The following SYNPR variants were observed in gnomAD, a reference collection of about 807,000 sequenced individuals.
SYNPR encodes the protein synaptoporin.
A neutral mutation model predicts 32.9 loss-of-function variants in SYNPR; 23 were observed. The ratio of observed to expected loss-of-function variants is 0.70; its 90% CI spans 0.50 to 0.99. The LOEUF is 0.99. Ranked by LOEUF, SYNPR falls within the 50% of genes least tolerant of loss-of-function variation. The probability of loss-of-function intolerance (pLI) is 0.00; values close to 1 mark genes in which losing one functional copy is unlikely to be tolerated. For missense variants in SYNPR, 318 were observed against 349.3 expected (o/e 0.91, Z 0.71); for synonymous variants, 146 against 135.9 (o/e 1.07, Z -0.52).
At chr3:63,444,492 G>A (rs912938520) in intron 2 of SYNPR, among the ~76,000 whole-genome samples, 9 of 152,126 alleles carry the variant, frequency 5.9e-5, no homozygotes, top group African/African-American at 1.9e-4. Context: ...AAACGAGCTG[G>A]AGAATAGATT....
rs1055458325 is a variant in SYNPR, at chr3:63,596,994, A to G, written c.409-12131A>G. ...AAAGACTTAGTATCAAAAAAGTAAA[A>G]TGGCATACTAATAATTTTAGATTGA... On this transcript the variant is annotated intron_variant, in intron 4 of 5. Transcript: ENST00000478300. Among the ~76,000 whole-genome samples, 5 of 152,254 alleles carry G rather than the reference A, an allele frequency of 3.3e-5. No homozygotes were observed. The East Asian group carries it at 7.7e-4, about 24-fold the overall frequency.
chr3:63,470,144 T>C (rs1469470157), intron 2 of SYNPR, among the ~76,000 whole-genome samples: 1 of 152,206 alleles, frequency 6.6e-6, no homozygotes, highest in Non-Finnish European at 1.5e-5. Context: ...CACTTCAGCA[T>C]TATGTTTCTA....
chr3:63,455,756 G>GGGGTGTGTGTGTGTGT (rs1553637948), intron 2 of SYNPR, among the ~76,000 whole-genome samples: 37 of 144,378 alleles, frequency 2.6e-4, no homozygotes, highest in African/African-American at 6.0e-4. Flanking sequence ...TCATGTTTGG[G>GGGGTGTGTGTGTGTGT]GTGTGTGTGT....
chr3:63,233,367 T>C (rs2086179554), intron 1 of SYNPR, among the ~76,000 whole-genome samples: 2 of 152,148 alleles, frequency 1.3e-5, no homozygotes, highest in South Asian at 4.1e-4. Context: ...CAGTAAATTT[T>C]CTAATTGTTT....
intron 2 of SYNPR, among the ~76,000 whole-genome samples, chr3:63,298,259 T>C (rs887212593): frequency 6.6e-6 from 1 of 152,172 alleles, no homozygotes; most frequent in South Asian, 2.1e-4. Context: ...TTAGGTTAGA[T>C]TTATCTCACT....
At chr3:63,460,377 T>C (rs1297128038) in intron 2 of SYNPR, among the ~76,000 whole-genome samples, 1 of 152,060 alleles carries the variant, frequency 6.6e-6, no homozygotes, top group East Asian at 1.9e-4. Flanking sequence ...CTGCCCTTCA[T>C]TCATTTCTAT....
At chr3:63,255,623 C>T (rs979209940) in intron 2 of SYNPR, among the ~76,000 whole-genome samples, 6 of 152,098 alleles carry the variant, frequency 3.9e-5, no homozygotes, top group Non-Finnish European at 8.8e-5. Flanking sequence ...GAGGAGGAGC[C>T]AAGATGGCCA....
chr3:63,441,159 T>C (rs1700162945), intron 2 of SYNPR, among the ~76,000 whole-genome samples: 1 of 152,214 alleles, frequency 6.6e-6, no homozygotes, highest in South Asian at 2.1e-4. Flanking sequence ...CTTGGTTTTT[T>C]CACCTATACC....
intron 2 of SYNPR, among the ~76,000 whole-genome samples, chr3:63,319,033 G>A (rs994143170): frequency 6.6e-6 from 1 of 151,948 alleles, no homozygotes; most frequent in African/African-American, 2.4e-5. Context: ...CTCTCTTCTG[G>A]GTCTAGCCAC....
At chr3:63,464,731 A>T (rs936503953) in intron 2 of SYNPR, among the ~76,000 whole-genome samples, 6 of 152,128 alleles carry the variant, frequency 3.9e-5, no homozygotes, top group Admixed American at 1.3e-4. Context: ...GCTCATGCAA[A>T]TCATTTCTTT....
At chr3:63,205,886 T>C in the SYNPR span, among the ~76,000 whole-genome samples, 1 of 152,220 alleles carries the variant, frequency 6.6e-6, no homozygotes, top group Non-Finnish European at 1.5e-5. Flanking sequence ...TGGCCATGAA[T>C]CCCCAGAGCA....
chr3:63,554,356 A>G (rs2106825183), intron 3 of SYNPR, among the ~76,000 whole-genome samples: 1 of 152,258 alleles, frequency 6.6e-6, no homozygotes, highest in African/African-American at 2.4e-5. Context: ...TTACATTTAT[A>G]TCTGTAATCC....
chr3:63,438,523 A>G (rs1426728653), intron 2 of SYNPR, among the ~76,000 whole-genome samples: 1 of 152,228 alleles, frequency 6.6e-6, no homozygotes, highest in Admixed American at 6.5e-5. Flanking sequence ...TACTGAGGAA[A>G]GCTAATGATC....
chr3:63,597,184 C>T (rs1240324111), intron 4 of SYNPR, among the ~76,000 whole-genome samples: 3 of 152,074 alleles, frequency 2.0e-5, no homozygotes, highest in Admixed American at 1.3e-4. Context: ...TTTCTTCAGG[C>T]GTCCTCATTC....
At chr3:63,362,556 G>C (rs994193859) in intron 2 of SYNPR, among the ~76,000 whole-genome samples, 3 of 152,138 alleles carry the variant, frequency 2.0e-5, no homozygotes, top group Non-Finnish European at 4.4e-5. Context: ...AGAAAAGTGA[G>C]CAAGTAAAGT....
chr3:63,223,801 A>G (rs2086110403), upstream of SYNPR, among the ~76,000 whole-genome samples: 1 of 151,780 alleles, frequency 6.6e-6, no homozygotes, highest in South Asian at 2.1e-4. Flanking sequence ...TCTACTTTCT[A>G]TTGTGGTGTT....
rs74480131 is a variant in SYNPR, at chr3:63,421,717, A to G, written c.85-59115A>G. Reference sequence around the variant, plus strand: ...TGCTCAGACTGAAATCAGGGCTGCAATCTCATCTGAGGCTTTAGGTCCTCT... The same window carrying G: ...TGCTCAGACTGAAATCAGGGCTGCAGTCTCATCTGAGGCTTTAGGTCCTCT... On this transcript the variant is annotated intron_variant, in intron 2 of 5. Transcript: ENST00000478300. Among the ~76,000 whole-genome samples the G allele has an allele frequency of 6.4e-3, 968 of 152,254 alleles. 10 individuals carry two copies. The highest frequency in any genetic ancestry group is 0.022 in the African/African-American group (919 of 41,542).
chr3:63,465,535 A>T (rs1700661264), intron 2 of SYNPR, among the ~76,000 whole-genome samples: 1 of 152,136 alleles, frequency 6.6e-6, no homozygotes, highest in African/African-American at 2.4e-5. Flanking sequence ...ATTTTAAAAA[A>T]TTTTAATGAA....
intron 2 of SYNPR, among the ~76,000 whole-genome samples, chr3:63,452,301 C>A (rs6793874): frequency 2.6e-5 from 4 of 151,962 alleles, no homozygotes; most frequent in East Asian, 3.9e-4. Flanking sequence ...TTTAAAAATC[C>A]CTCAAAAGTG....
Sources: allele counts gnomAD v4.1 joint callset (sites outside exome capture counted in the v4.1 genomes callset), GRCh38; gene constraint gnomAD v4.1.1; transcripts MANE v1.5; gene names NCBI Gene and HGNC (gene_info 2026-07-23, HGNC 2026-07-21).